UTP4: variants seen among roughly 807,000 people sequenced by gnomAD.
UTP4 encodes the protein U3 small nucleolar RNA-associated protein 4 homolog.
UTP4 carries 45 observed loss-of-function variants against 82.4 expected under a neutral mutation model. The observed-to-expected ratio is 0.55, with a 90% CI of 0.43 to 0.70. The LOEUF (loss-of-function observed/expected upper bound fraction) is 0.70, where lower values mean the gene tolerates loss of function less well. UTP4 is among the 30% of genes least tolerant of loss of function. The pLI, the probability that UTP4 is intolerant of heterozygous loss-of-function variation, is 0.00. For synonymous variants in UTP4, 348 were observed against 300.3 expected (o/e 1.16, Z -1.64); for missense variants, 819 against 858.3 (o/e 0.95, Z 0.57).
At chr16:69,132,790 G>T (rs1962660725) in intron 1 of UTP4, 101 bp downstream of exon 1, 1 of 229,888 alleles carries the variant, frequency 4.3e-6, no homozygotes, top group Non-Finnish European at 8.8e-6. Context: ...CTTGTCCCGA[G>T]GGTCTCCTTG....
At chr16:69,153,918 A>G (rs1963343343) in intron 9 of UTP4, among the ~76,000 whole-genome samples, 1 of 152,154 alleles carries the variant, frequency 6.6e-6, no homozygotes, top group African/African-American at 2.4e-5. Flanking sequence ...TGCAGGGTGT[A>G]GTCAAGGTAA....
intron 2 of UTP4, 53 bp downstream of exon 2, chr16:69,133,671 T>C: frequency 6.4e-7 from 1 of 1,569,490 alleles, no homozygotes. Context: ...TCTTCTGAAG[T>C]TCAAGAAGCT....
intron 16 of UTP4, among the ~76,000 whole-genome samples, chr16:69,168,433 CAAAAAAA>C (rs34234554): frequency 1.9e-5 from 1 of 51,604 alleles, no homozygotes; most frequent in African/African-American, 7.2e-5. Flanking sequence ...GAGACTGTCT[CAAAAAAA>C]AAAAAAAAAA....
chr16:69,165,858 C>T (rs1055819733), intron 15 of UTP4: 10 of 435,442 alleles, frequency 2.3e-5, no homozygotes, highest in African/African-American at 1.2e-4. Flanking sequence ...GACCCTCATC[C>T]GGAAGTATCA....
Position 69,154,442 on chromosome 16 carries a change from G to C in UTP4, c.1149G>C (p.Leu383=). ...TCTCTAAAAATGCAGATCATTTACT[G>C]CACCTAAAGACAAAGGTAAGGAAGT... ...LPLSKNADHL[L]HLKTKGPENI... The change falls in exon 10 of 17, where the codon CTG becomes CTC. Residue 383 remains leucine (L), a synonymous_variant. Coordinates refer to ENST00000314423, the MANE Select transcript of UTP4 (RefSeq NM_032830.3). The C allele has an allele frequency of 6.2e-7, 1 of 1,612,320 alleles. No individual in the cohort carries two copies. Among genetic ancestry groups the C allele is most frequent in the South Asian group, 1.1e-5 (1 of 91,020 alleles).
chr16:69,153,829 A>T, intron 9 of UTP4, 149 bp downstream of exon 9: 1 of 695,540 alleles, frequency 1.4e-6, no homozygotes, highest in Non-Finnish European at 2.6e-6. Context: ...AGATAAAGCA[A>T]ATAAGCTGTT....
At chr16:69,135,099 G>T (rs948460619) in intron 2 of UTP4, among the ~76,000 whole-genome samples, 2 of 149,156 alleles carry the variant, frequency 1.3e-5, no homozygotes, top group Non-Finnish European at 3.0e-5. Flanking sequence ...TATAATTTGT[G>T]TGTTTGTTTA....
intron 13 of UTP4, 112 bp from the exon 14 acceptor site, chr16:69,162,971 A>G: frequency 1.2e-6 from 1 of 864,342 alleles, no homozygotes; most frequent in Non-Finnish European, 2.0e-6. Flanking sequence ...CTTCCCTAGA[A>G]CCCTTTTGAA....
At chr16:69,151,670 C>G (rs1374658862) in intron 8 of UTP4, among the ~76,000 whole-genome samples, 4 of 151,040 alleles carry the variant, frequency 2.6e-5, no homozygotes, top group African/African-American at 9.8e-5. Context: ...TATTGTAGGA[C>G]TTTCTGTAGC....
At chr16:69,142,429 A>G (rs1010763018) in intron 5 of UTP4, 6 of 158,078 alleles carry the variant, frequency 3.8e-5, no homozygotes, top group Admixed American at 2.9e-4. Flanking sequence ...TCCTCAGACA[A>G]CGTCTCCAGT....
chr16:69,135,530 TAGTG>T (rs770223600), intron 2 of UTP4, among the ~76,000 whole-genome samples: 2 of 151,906 alleles, frequency 1.3e-5, no homozygotes, highest in Non-Finnish European at 2.9e-5. Context: ...CTGGGCAACA[TAGTG>T]AGACCCCATC....
At chr16:69,145,385 C>A (rs1179401439) in intron 6 of UTP4, among the ~76,000 whole-genome samples, 1 of 151,850 alleles carries the variant, frequency 6.6e-6, no homozygotes, top group Non-Finnish European at 1.5e-5. Flanking sequence ...CTCAGCCTCC[C>A]AAGTAGCTAG....
intron 13 of UTP4, among the ~76,000 whole-genome samples, chr16:69,162,122 C>G (rs902300309): frequency 3.9e-5 from 6 of 152,108 alleles, no homozygotes; most frequent in African/African-American, 1.4e-4. Context: ...TGCACGCCAC[C>G]ACACCCAGCT....
intron 6 of UTP4, among the ~76,000 whole-genome samples, chr16:69,149,800 C>A (rs766694600): frequency 1.3e-5 from 2 of 152,038 alleles, no homozygotes; most frequent in East Asian, 1.9e-4. Flanking sequence ...GCGATCTTGG[C>A]GTACTGCAAC....
intron 4 of UTP4, among the ~76,000 whole-genome samples, chr16:69,138,232 T>C (rs1962862764): frequency 7.2e-6 from 1 of 138,278 alleles, no homozygotes; most frequent in South Asian, 2.3e-4. Context: ...GGTTCTTTTC[T>C]TTCTTTTTTT....
rs1334089847 is a variant in UTP4 at position 69,133,637 on chromosome 16, T to G, written c.159+19T>G. 2 of 1,612,518 alleles carry G rather than the reference T, an allele frequency of 1.2e-6. No homozygotes were observed. The highest frequency in any genetic ancestry group is 3.3e-5 in the Admixed American group (2 of 59,992). On this transcript the variant is annotated intron_variant, in intron 2 of 16. Coordinates refer to ENST00000314423, the MANE Select transcript of UTP4 (RefSeq NM_032830.3). Reference sequence around the variant, plus strand: ...GGAGAAAGTAAGTCATTTGGGAGTCTGATATGGTGTTTTGATGTTAATTTC... The same window carrying G: ...GGAGAAAGTAAGTCATTTGGGAGTCGGATATGGTGTTTTGATGTTAATTTC...
At chr16:69,163,880 G>GTTTTTT (rs201368311) in intron 14 of UTP4, among the ~76,000 whole-genome samples, 5 of 132,600 alleles carry the variant, frequency 3.8e-5, no homozygotes, top group African/African-American at 8.7e-5. Flanking sequence ...TTGATGGTCA[G>GTTTTTT]TTTGTTTTTT....
intron 3 of UTP4, 79 bp downstream of exon 3, chr16:69,136,966 G>C (rs1962829843): frequency 2.4e-6 from 3 of 1,232,490 alleles, no homozygotes; most frequent in Admixed American, 3.4e-5. Context: ...GCTCATAGGA[G>C]AGTAACGATA....
chr16:69,155,728 A>G (rs1963392118), intron 10 of UTP4, 143 bp from the exon 11 acceptor site: 1 of 866,958 alleles, frequency 1.2e-6, no homozygotes. Context: ...TAATCATATT[A>G]ATGCAGACCA....
Sources: gnomAD v4.1 joint callset for allele counts (sites outside exome capture counted in the v4.1 genomes callset) on GRCh38, gnomAD v4.1.1 for gene constraint, MANE v1.5 for transcripts, NCBI Gene and HGNC (gene_info 2026-07-23, HGNC 2026-07-21) for gene names.